CPEB2: variants seen among roughly 807,000 people sequenced by gnomAD.
The protein encoded by CPEB2 is cytoplasmic polyadenylation element-binding protein 2.
CPEB2 carries 56 observed loss-of-function variants against 93.6 expected under a neutral mutation model. The observed-to-expected ratio is 0.60, with a 90% CI of 0.48 to 0.75. CPEB2 has a LOEUF of 0.75. Among genes scored for constraint, CPEB2 ranks in the 30% least tolerant of loss-of-function variants. The pLI is 0.00. For missense variants in CPEB2, 1,579 were observed against 1,395.1 expected (o/e 1.13, Z -2.10); for synonymous variants, 764 against 586.3 (o/e 1.30, Z -4.38).
chr4:15,025,307 T>C (rs930942596), intron 4 of CPEB2, among the ~76,000 whole-genome samples: 3 of 152,158 alleles, frequency 2.0e-5, no homozygotes, highest in African/African-American at 7.2e-5. Context: ...GAGGCTATTA[T>C]AGTGTTTGAA....
In CPEB2 at chr4:15,003,177, G is replaced by T; in HGVS notation, c.504G>T (p.Lys168Asn). Residue 168 changes from lysine (K) to asparagine (N), a missense_variant, in exon 1 of 12, where the codon AAG becomes AAT. By Grantham distance (94) the Lys-to-Asn change is moderately conservative. Transcript: ENST00000538197. ...CRTSSPQDFS[K>N]RQQQQLSSQK... The stretch of plus-strand genomic sequence containing the variant: ...CCTCCTCCCCGCAGGACTTCAGTAA[G>T]CGGCAGCAGCAGCAGCTGAGCAGCC... 1.3e-6 allele frequency: 2 copies of T among 1,533,916 alleles called. No individual in the cohort carries two copies. Among genetic ancestry groups the T allele is most frequent in the Non-Finnish European group, 1.7e-6 (2 of 1,146,158 alleles).
chr4:15,018,783 G>T (rs1427850917), intron 4 of CPEB2, among the ~76,000 whole-genome samples: 1 of 148,068 alleles, frequency 6.8e-6, no homozygotes, highest in African/African-American at 2.5e-5. Context: ...TTTTCAAAAG[G>T]CTTTTTAAAC....
intron 2 of CPEB2, 79 bp from the exon 3 acceptor site, chr4:15,008,258 TG>T (rs1364637750): frequency 1.0e-6 from 1 of 980,672 alleles, no homozygotes; most frequent in African/African-American, 1.6e-5. Flanking sequence ...CTTTATTTTT[TG>T]TTTTCTTTCT....
chr4:15,004,393 G>C lies in CPEB2; in HGVS notation c.1662+58G>C, dbSNP rs992790169. ...GACCGGGAGACCATGGGCGGGGGACGGAGGCGGGGGCAGGGCAGCCGGGGA... is the reference window on the plus strand; with the variant it reads ...GACCGGGAGACCATGGGCGGGGGACCGAGGCGGGGGCAGGGCAGCCGGGGA... On this transcript the variant is annotated intron_variant, in intron 1 of 11. Coordinates refer to ENST00000538197, the MANE Select transcript of CPEB2 (RefSeq NM_001177382.2). The C allele has an allele frequency of 2.6e-5, 33 of 1,283,638 alleles. 1 individual carries two copies. The African/African-American group carries it at 4.6e-4, about 18-fold the overall frequency. The allele number at this position is 1,283,638 out of a possible 1,614,324, so 79.5% of individuals were successfully genotyped here.
intron 7 of CPEB2, among the ~76,000 whole-genome samples, chr4:15,053,619 C>A (rs759428012): frequency 6.6e-6 from 1 of 152,080 alleles, no homozygotes; most frequent in East Asian, 1.9e-4. Flanking sequence ...AATGAAATAA[C>A]GTAAGACATA....
intron 4 of CPEB2, among the ~76,000 whole-genome samples, chr4:15,028,666 G>T (rs148710578): frequency 8.6e-5 from 13 of 152,040 alleles, no homozygotes; most frequent in Non-Finnish European, 1.6e-4. Flanking sequence ...AGTCTGTCAT[G>T]CTATCTCTTA....
intron 5 of CPEB2, among the ~76,000 whole-genome samples, chr4:15,036,637 G>A (rs1187603474): frequency 6.6e-6 from 1 of 152,060 alleles, no homozygotes; most frequent in Non-Finnish European, 1.5e-5. Flanking sequence ...CCTTTCTCAA[G>A]GAAAATAGCT....
chr4:15,057,117 A>G (rs1427398562), intron 8 of CPEB2, among the ~76,000 whole-genome samples: 1 of 152,076 alleles, frequency 6.6e-6, no homozygotes, highest in Non-Finnish European at 1.5e-5. Context: ...TAGTTCCCAG[A>G]TTATTATTTT....
At chr4:15,046,739 A>G (rs969295439) in intron 6 of CPEB2, among the ~76,000 whole-genome samples, 3 of 151,914 alleles carry the variant, frequency 2.0e-5, no homozygotes, top group Non-Finnish European at 4.4e-5. Flanking sequence ...TTCTTTATAT[A>G]TTTTGTCCTA....
At chr4:15,060,276 T>C (rs1249702336) in intron 10 of CPEB2, among the ~76,000 whole-genome samples, 2 of 152,158 alleles carry the variant, frequency 1.3e-5, no homozygotes, top group African/African-American at 4.8e-5. Context: ...ACTAACTCGG[T>C]ATTTATTCTC....
intron 8 of CPEB2, among the ~76,000 whole-genome samples, chr4:15,056,491 G>GTAT (rs1365857964): frequency 6.6e-6 from 1 of 152,174 alleles, no homozygotes; most frequent in Middle Eastern, 3.2e-3. Flanking sequence ...TGGTTTTGCA[G>GTAT]TATTTAGTTT....
chr4:15,018,788 T>G (rs1350343685), intron 4 of CPEB2, among the ~76,000 whole-genome samples: 1 of 150,552 alleles, frequency 6.6e-6, no homozygotes, highest in Non-Finnish European at 1.5e-5. Flanking sequence ...AAAAGGCTTT[T>G]TAAACATGTT....
intron 11 of CPEB2, among the ~76,000 whole-genome samples, chr4:15,063,029 A>T (rs956509985): frequency 1.3e-5 from 2 of 152,128 alleles, no homozygotes; most frequent in Non-Finnish European, 1.5e-5. Flanking sequence ...AATCATGTTT[A>T]TAATTATAGT....
chr4:15,014,865 C>T (rs1723931494), intron 3 of CPEB2, among the ~76,000 whole-genome samples: 1 of 152,062 alleles, frequency 6.6e-6, no homozygotes, highest in South Asian at 2.1e-4. Flanking sequence ...ATGGAAATAT[C>T]TGGATAGATT....
rs1016061412 is a variant in CPEB2 at position 15,037,995 on chromosome 4, T to C, written c.2177-2469T>C. Reference sequence around the variant, plus strand: ...GGTAGGAAAGTGAATACACACACCATTGTTTAGTGTGATGGTGGCAGATTA... The same window carrying C: ...GGTAGGAAAGTGAATACACACACCACTGTTTAGTGTGATGGTGGCAGATTA... On this transcript the variant is annotated intron_variant, in intron 5 of 11. Coordinates refer to ENST00000538197, the MANE Select transcript of CPEB2 (RefSeq NM_001177382.2). Among the ~76,000 whole-genome samples the C allele has an allele frequency of 3.9e-5, 6 of 152,258 alleles. No individual in the cohort carries two copies. The East Asian group carries it at 5.8e-4, about 15-fold the overall frequency.
intron 6 of CPEB2, among the ~76,000 whole-genome samples, chr4:15,048,593 G>A (rs1467725263): frequency 1.3e-5 from 2 of 151,524 alleles, no homozygotes; most frequent in East Asian, 1.9e-4. Flanking sequence ...TTCCTTCATC[G>A]TACTTTCTTT....
rs80279526 is a variant in CPEB2, at chr4:15,038,957, T to C, written c.2177-1507T>C. On this transcript the variant is annotated intron_variant, in intron 5 of 11. Transcript: ENST00000538197. ...GTCTGATTTTTCAGTTGATCTCCCA[T>C]CACTTAGAGCTTTTTAAAAACTTTT... Among the ~76,000 whole-genome samples, 59 of 152,274 alleles carry C rather than the reference T, an allele frequency of 3.9e-4. 1 individual carries two copies. The East Asian group carries it at 0.011, about 29-fold the overall frequency.
Position 15,065,225 on chromosome 4 carries a change from C to G in CPEB2, c.2878-928C>G, listed in dbSNP as rs539132573. On this transcript the variant is annotated intron_variant, in intron 11 of 11. Transcript: ENST00000538197. ...CTCATGCAAGTATTTCAGTAGAATA[C>G]ATTCAGAATACAAACTGTTGGGTCA... 5.9e-5 allele frequency among the ~76,000 whole-genome samples: 9 copies of G among 152,112 alleles called. No individual in the cohort carries two copies. In the South Asian group the frequency reaches 1.9e-3, roughly 32 times the overall value.
chr4:15,037,729 C>T (rs964814005), intron 5 of CPEB2, among the ~76,000 whole-genome samples: 1 of 152,164 alleles, frequency 6.6e-6, no homozygotes, highest in African/African-American at 2.4e-5. Context: ...ATATACACAT[C>T]AACAGGTATG....
Sources: gnomAD v4.1 joint callset for allele counts (sites outside exome capture counted in the v4.1 genomes callset) on GRCh38, gnomAD v4.1.1 for gene constraint, MANE v1.5 for transcripts, NCBI Gene and HGNC (gene_info 2026-07-23, HGNC 2026-07-21) for gene names.